Variants in CALCRL observed in about 807,000 individuals in gnomAD.
The protein encoded by CALCRL is calcitonin gene-related peptide type 1 receptor.
CALCRL carries 27 observed loss-of-function variants against 60.4 expected under a neutral mutation model. The ratio of observed to expected loss-of-function variants is 0.45; its 90% confidence interval spans 0.33 to 0.62. The LOEUF is 0.62. CALCRL is among the 20% of genes least tolerant of loss of function. The pLI, the probability that CALCRL is intolerant of heterozygous loss-of-function variation, is 0.03. For synonymous variants in CALCRL, 190 were observed against 182.6 expected, an observed-to-expected ratio of 1.04 and a Z score of -0.33; for missense variants, 424 against 540.7, an observed-to-expected ratio of 0.78 and a Z score of 2.14.
At chr2:187,426,533 A>G (rs537762246) in intron 1 of CALCRL, among the ~76,000 whole-genome samples, 2 of 152,194 alleles carry the variant, frequency 1.3e-5, no homozygotes, top group South Asian at 2.1e-4. Flanking sequence ...GCACGAATCT[A>G]TACATTACCT....
chr2:187,350,793 G>A (rs544984243), intron 14 of CALCRL, among the ~76,000 whole-genome samples: 1 of 151,730 alleles, frequency 6.6e-6, no homozygotes, highest in South Asian at 2.1e-4. Context: ...GGTCCCATGT[G>A]TTCCCCATCT....
At chr2:187,378,882 A>G (rs1024388897) in intron 8 of CALCRL, 58 bp downstream of exon 8, 6 of 905,830 alleles carry the variant, frequency 6.6e-6, no homozygotes, top group Non-Finnish European at 1.1e-5. Context: ...TATGCACATG[A>G]TGGGGCATTC....
intron 13 of CALCRL, 50 bp downstream of exon 13, chr2:187,352,064 A>G (rs764057629): frequency 6.4e-7 from 1 of 1,557,032 alleles, no homozygotes; most frequent in Non-Finnish European, 8.9e-7. Context: ...AGCTATATGT[A>G]TATTTAATTC....
At chr2:187,353,289 C>A (rs897359399) in intron 12 of CALCRL, among the ~76,000 whole-genome samples, 2 of 151,892 alleles carry the variant, frequency 1.3e-5, no homozygotes, top group African/African-American at 4.8e-5. Flanking sequence ...TCCATAGGGG[C>A]TAATTGCTAT....
Position 187,404,483 on chromosome 2 carries a change from A to G in CALCRL, c.-292-16727T>C, listed in dbSNP as rs570666325. 1.4e-4 allele frequency among the ~76,000 whole-genome samples: 21 copies of G among 151,732 alleles called. 1 individual carries two copies. Among genetic ancestry groups the G allele is most frequent in the African/African-American group, 4.1e-4 (17 of 41,402 alleles). ...AATGATATGAAATGGTTCCCTAGGT[A>G]TCTTATAAACACTTTTATTTATTTT... On this transcript the variant is annotated intron_variant, in intron 1 of 14. Coordinates refer to ENST00000392370, the MANE Select transcript of CALCRL (RefSeq NM_005795.6).
chr2:187,429,001 T>C (rs780212259), intron 1 of CALCRL: 2 of 151,990 alleles, frequency 1.3e-5, no homozygotes, highest in Non-Finnish European at 2.9e-5. Context: ...CAATTTTAGC[T>C]GGATTAAAAT....
chr2:187,407,051 A>G (rs572430285), intron 1 of CALCRL, among the ~76,000 whole-genome samples: 2 of 152,090 alleles, frequency 1.3e-5, no homozygotes, highest in African/African-American at 2.4e-5. Context: ...TGCCTTTTGT[A>G]TGTGCCTTCT....
chr2:187,386,137 A>AGATAGATAGATGATT, intron 3 of CALCRL, among the ~76,000 whole-genome samples: 1 of 152,218 alleles, frequency 6.6e-6, no homozygotes, highest in African/African-American at 2.4e-5. Context: ...TCTTATAGAT[A>AGATAGATAGATGATT]GATAGATAGA....
chr2:187,380,903 G>T, intron 5 of CALCRL, 116 bp from the exon 6 acceptor site: 1 of 571,830 alleles, frequency 1.7e-6, no homozygotes, highest in South Asian at 3.8e-5. Context: ...TGAAAATGCA[G>T]ACATTATATG....
At chr2:187,402,739 T>C (rs1352087457) in intron 1 of CALCRL, among the ~76,000 whole-genome samples, 1 of 151,824 alleles carries the variant, frequency 6.6e-6, no homozygotes, top group African/African-American at 2.4e-5. Context: ...TCCTGAGTCA[T>C]TAACGATGTC....
In CALCRL at chr2:187,380,728, T is replaced by C. The variant is rs150453265; in HGVS notation, c.244A>G (p.Thr82Ala). 69 of 1,614,022 alleles carry C rather than the reference T, an allele frequency of 4.3e-5. No homozygotes were observed. Among genetic ancestry groups the C allele is most frequent in the Non-Finnish European group, 5.4e-5 (64 of 1,180,014 alleles). The change falls in exon 6 of 15, where the codon ACT (threonine) becomes GCT (alanine). Residue 82 changes from threonine to alanine, a missense_variant. Transcript: ENST00000392370. Reference sequence around the variant, plus strand: ...TCAGGGCAGAGCTGCATTGATTCAGTTCCTGCTGCAACATCGTTCCAGCAG... The same window carrying C: ...TCAGGGCAGAGCTGCATTGATTCAGCTCCTGCTGCAACATCGTTCCAGCAG... ...WLCWNDVAAG[T>A]ESMQLCPDYF...
chr2:187,401,922 T>C (rs1327212939), intron 1 of CALCRL, among the ~76,000 whole-genome samples: 2 of 127,506 alleles, frequency 1.6e-5, no homozygotes, highest in Non-Finnish European at 3.4e-5. Context: ...AAACTAAAGA[T>C]GGAAAAAAGA....
Position 187,363,508 on chromosome 2 carries a change from A to C in CALCRL, c.501-6T>G. 6.3e-7 allele frequency: 1 copy of C among 1,587,832 alleles called. No individual in the cohort carries two copies. Among genetic ancestry groups the C allele is most frequent in the Non-Finnish European group, 8.6e-7 (1 of 1,168,854 alleles). On this transcript the variant is annotated splice_polypyrimidine_tract_variant and splice_region_variant and intron_variant, in intron 8 of 14. Coordinates refer to ENST00000392370, the MANE Select transcript of CALCRL (RefSeq NM_005795.6). ...TCCTTTGGCAACTTAGGCTCCTAAA[A>C]AGCAAGAAAAACAAGTGTGTTGACA...
chr2:187,384,247 A>G (rs1688112403), intron 4 of CALCRL, among the ~76,000 whole-genome samples: 1 of 152,228 alleles, frequency 6.6e-6, no homozygotes, highest in Non-Finnish European at 1.5e-5. Flanking sequence ...ATTTCCAAAT[A>G]AAGATTTATG....
At chr2:187,359,512 G>C (rs79666510) in intron 10 of CALCRL, among the ~76,000 whole-genome samples, 2,666 of 152,156 alleles carry the variant, frequency 0.018, 38 homozygotes, top group Admixed American at 0.031. Flanking sequence ...TAATTCATAA[G>C]TCATTTTGAA....
chr2:187,396,021 TTTGTTGTTGTTG>T (rs529744154), intron 1 of CALCRL, among the ~76,000 whole-genome samples: 4 of 63,766 alleles, frequency 6.3e-5, no homozygotes, highest in Admixed American at 1.7e-4. Context: ...CCTGACACTG[TTTGTTGTTGTTG>T]TTGTTGTTGT....
chr2:187,378,843 T>C (rs1260525199), intron 8 of CALCRL, 97 bp downstream of exon 8: 7 of 667,272 alleles, frequency 1.0e-5, no homozygotes, highest in Non-Finnish European at 1.8e-5. Flanking sequence ...ATCATCTATA[T>C]TGGTATATTT....
intron 10 of CALCRL, 75 bp downstream of exon 10, chr2:187,360,523 A>G: frequency 7.8e-7 from 1 of 1,287,426 alleles, no homozygotes; most frequent in East Asian, 2.4e-5. Flanking sequence ...GTATATTCAT[A>G]TTACAAAGGA....
At chr2:187,393,614 C>T (rs1361218751) in intron 1 of CALCRL, among the ~76,000 whole-genome samples, 11 of 151,888 alleles carry the variant, frequency 7.2e-5, no homozygotes, top group African/African-American at 2.7e-4. Context: ...GGCTACACAC[C>T]CTAACAAAGT....
Sources: allele counts gnomAD v4.1 joint callset (sites outside exome capture counted in the v4.1 genomes callset), GRCh38; gene constraint gnomAD v4.1.1; transcripts MANE v1.5; gene names NCBI Gene and HGNC (gene_info 2026-07-23, HGNC 2026-07-21).